Variants in DMPK observed in about 807,000 individuals in gnomAD.
The protein encoded by DMPK is DM1 protein kinase, also known as myotonin-protein kinase.
A neutral mutation model predicts 70.3 loss-of-function variants in DMPK; 32 were observed. The observed-to-expected ratio is 0.46, with a 90% CI of 0.34 to 0.61. DMPK has a LOEUF of 0.61. Among genes scored for constraint, DMPK ranks in the 20% least tolerant of loss-of-function variants. The probability of loss-of-function intolerance (pLI) is 0.01; values close to 1 mark genes in which losing one functional copy is unlikely to be tolerated. For missense variants in DMPK, 899 were observed against 886.0 expected, an observed-to-expected ratio of 1.01 and a Z score of -0.19; for synonymous variants, 469 against 390.9, an observed-to-expected ratio of 1.20 and a Z score of -2.36.
At chr19:45,773,968 T>C (rs1969625678) in intron 9 of DMPK, among the ~76,000 whole-genome samples, 1 of 151,402 alleles carries the variant, frequency 6.6e-6, no homozygotes, top group Non-Finnish European at 1.5e-5. Flanking sequence ...TTTTTTTTTT[T>C]TTTTTGAGAT....
At chr19:45,771,134 G>A in intron 13 of DMPK, 74 bp from the exon 14 acceptor site, 2 of 1,293,450 alleles carry the variant, frequency 1.5e-6, no homozygotes, top group African/African-American at 1.5e-5. Context: ...AGACAGCGAG[G>A]GGAATCGAGG....
intron 4 of DMPK, 188 bp downstream of exon 4, chr19:45,779,076 G>A (rs1198675561): frequency 1.6e-6 from 1 of 635,838 alleles, no homozygotes; most frequent in Admixed American, 2.6e-5. Flanking sequence ...GGCAGTGAAG[G>A]ACACCATCCC....
Position 45,774,930 on chromosome 19 carries a change from C to T in DMPK, c.1232+19G>A, listed in dbSNP as rs542573366. Reference sequence around the variant, plus strand: ...AAGCAGCCTCGTGGCCCCTGGAGGCCGTCCAGGGCAGTGCTTACCTGAGGG... The same window carrying T: ...AAGCAGCCTCGTGGCCCCTGGAGGCTGTCCAGGGCAGTGCTTACCTGAGGG... On this transcript the variant is annotated intron_variant, in intron 9 of 14. Transcript: ENST00000291270. 9.3e-6 allele frequency: 15 copies of T among 1,608,614 alleles called. No homozygotes were observed. Among genetic ancestry groups the T allele is most frequent in the African/African-American group, 1.3e-5 (1 of 74,764 alleles).
At chr19:45,782,146 GCCCCACCCCCA>G in intron 1 of DMPK, 36 bp downstream of exon 1, 5 of 895,758 alleles carry the variant, frequency 5.6e-6, no homozygotes, top group Non-Finnish European at 7.4e-6. Flanking sequence ...CCTGTCTCCT[GCCCCACCCCCA>G]CCCCATCTGC....
chr19:45,770,285 C>A lies in DMPK; in HGVS notation c.*203G>T. On this transcript the variant is annotated 3_prime_UTR_variant, in exon 15 of 15. Transcript: ENST00000291270. ...AGCAGCATTCCCGGCTACAAGGACC[C>A]TTCGAGCCCCGTTCGCCGGCCGCGG... 1 of 770,224 alleles carries A rather than the reference C, an allele frequency of 1.3e-6. No homozygotes were observed. The highest frequency in any genetic ancestry group is 3.1e-5 in the East Asian group (1 of 32,588). 47.7% of individuals were successfully genotyped at this position (770,224 alleles called of 1,614,324 possible).
Position 45,779,758 on chromosome 19 carries a change from T to G in DMPK, c.252+20A>C. The G allele has an allele frequency of 6.5e-7, 1 of 1,543,074 alleles. No individual in the cohort carries two copies. The highest frequency in any genetic ancestry group is 1.3e-5 in the South Asian group (1 of 79,938). On this transcript the variant is annotated intron_variant, in intron 2 of 14. Coordinates refer to ENST00000291270, the MANE Select transcript of DMPK (RefSeq NM_004409.5). ...CCGCCCACCACGAGTCAAGTCAGGC[T>G]CCCGCCCGGTTCGGCTTACCTCGCT...
chr19:45,777,120 CCTTA>C lies in DMPK; in HGVS notation c.1146+203_1146+206del. 2 of 682,826 alleles carry C rather than the reference CCTTA, an allele frequency of 2.9e-6. No individual in the cohort carries two copies. Among genetic ancestry groups the C allele is most frequent in the Non-Finnish European group, 4.6e-6 (2 of 430,290 alleles). The allele number at this position is 682,826 out of a possible 1,614,324, so 42.3% of individuals were successfully genotyped here. A position where few individuals can be genotyped will look rare whatever the true frequency, so the allele number is the denominator to read the frequency against. The stretch of plus-strand genomic sequence containing the variant: ...TGTCTCAGCCCTGATCACTCTGGGG[CCTTA>C]CTGTCTGAAGACTGCTCTGTGTTCC... On this transcript the variant is annotated intron_variant, in intron 8 of 14. Transcript: ENST00000291270. This position sits in a 1 kb window ranked among gnomAD's most constrained non-coding sequence, Gnocchi z 6.7.
chr19:45,771,814 G>A lies in DMPK; in HGVS notation c.1459C>T (p.Arg487Trp), dbSNP rs745642787. Residue 487 changes from arginine (R) to tryptophan (W), a missense_variant, in exon 11 of 15, where the codon CGG becomes TGG. Arg to Trp is a moderately radical substitution (Grantham distance 101). Coordinates refer to ENST00000291270, the MANE Select transcript of DMPK (RefSeq NM_004409.5). The stretch of plus-strand genomic sequence containing the variant: ...TCCGTGCGGATGGCCTCCATCTCCC[G>A]GCTCAGGCTCTGCCGGGTGAGCACC... The part of the protein sequence containing the change: ...EEVLTRQSLS[R>W]EMEAIRTDNQ... The A allele has an allele frequency of 2.5e-6, 4 of 1,569,434 alleles. No individual in the cohort carries two copies. Among genetic ancestry groups the A allele is most frequent in the Non-Finnish European group, 2.6e-6 (3 of 1,157,276 alleles).
intron 9 of DMPK, among the ~76,000 whole-genome samples, chr19:45,773,934 T>C (rs1969621010): frequency 6.7e-6 from 1 of 149,730 alleles, no homozygotes; most frequent in African/African-American, 2.5e-5. Flanking sequence ...TGAGCCACCA[T>C]GCCCAGCCTG....
chr19:45,770,195 G>A lies in DMPK; in HGVS notation c.*293C>T. ...CCTGGCCGAAAGAAAGAAATGGTCT[G>A]TGATCCCCCCAGCAGCAGCAGCAGC... On this transcript the variant is annotated 3_prime_UTR_variant, in exon 15 of 15. Transcript: ENST00000291270. The A allele has an allele frequency of 1.4e-6, 1 of 696,996 alleles. No homozygotes were observed. Among genetic ancestry groups the A allele is most frequent in the Non-Finnish European group, 2.3e-6 (1 of 431,878 alleles). The allele number at this position is 696,996 out of a possible 1,614,324, so 43.2% of individuals were successfully genotyped here.
Position 45,770,441 on chromosome 19 carries a change from C to T in DMPK, c.*47G>A, listed in dbSNP as rs1420719254. ...CGCGGCTTCTGTGCCGTGCCCCGGG[C>T]ACTCAGTCTTCCAACGGGGCCCCGG... is the stretch of plus-strand genomic sequence containing the variant. On this transcript the variant is annotated 3_prime_UTR_variant, in exon 15 of 15. Coordinates refer to ENST00000291270, the MANE Select transcript of DMPK (RefSeq NM_004409.5). 2 of 1,546,210 alleles carry T rather than the reference C, an allele frequency of 1.3e-6. No homozygotes were observed. The highest frequency in any genetic ancestry group is 2.4e-5 in the East Asian group (1 of 40,898).
At position 45,770,468 on chromosome 19, in the gene DMPK, G is replaced by A. The variant is rs560529971; in HGVS notation, c.*20C>T. Reference sequence around the variant, plus strand: ...CTCAGTCTTCCAACGGGGCCCCGGAGTCGAAGACAGTTCTAGGGTTCAGGG... The same window carrying A: ...CTCAGTCTTCCAACGGGGCCCCGGAATCGAAGACAGTTCTAGGGTTCAGGG... On this transcript the variant is annotated 3_prime_UTR_variant, in exon 15 of 15. Coordinates refer to ENST00000291270, the MANE Select transcript of DMPK (RefSeq NM_004409.5). 17 of 1,549,672 alleles carry A rather than the reference G, an allele frequency of 1.1e-5. No individual in the cohort carries two copies. The Middle Eastern group carries it at 5.5e-4, about 50-fold the overall frequency.
In DMPK at chr19:45,770,539, G is replaced by A; in HGVS notation, c.1839C>T (p.Ala613=). ...ALGCIGLVAH[A]GQLTAVWRRP... is the part of the protein sequence containing the mutation. ...GGCGCCAGACTGCGGTGAGTTGGCC[G>A]GCGTGGGCCACCAACCCAATGCAGC... The change falls in exon 15 of 15, where the codon GCC becomes GCT. Residue 613 remains alanine, a synonymous_variant. Coordinates refer to ENST00000291270, the MANE Select transcript of DMPK (RefSeq NM_004409.5). 6.4e-7 allele frequency: 1 copy of A among 1,550,796 alleles called. No individual in the cohort carries two copies. The highest frequency in any genetic ancestry group is 8.7e-7 in the Non-Finnish European group (1 of 1,146,902).
rs1969771530 is a variant in DMPK at position 45,776,304 on chromosome 19, T to C, written c.1146+1023A>G. Among the ~76,000 whole-genome samples, 2 of 106,080 alleles carry C rather than the reference T, an allele frequency of 1.9e-5. 1 individual carries two copies. Among genetic ancestry groups the C allele is most frequent in the African/African-American group, 6.4e-5 (2 of 31,016 alleles). The allele number at this position is 106,080 out of a possible 152,430, so 69.6% of individuals were successfully genotyped here. A position where few individuals can be genotyped will look rare whatever the true frequency, so the allele number is the denominator to read the frequency against. ...GACTACAGGCGCCCGCCACCACGCC[T>C]GGCTAATTTTTTGTATTTTTAGGAG... is the stretch of plus-strand genomic sequence containing the variant. On this transcript the variant is annotated intron_variant, in intron 8 of 14. Coordinates refer to ENST00000291270, the MANE Select transcript of DMPK (RefSeq NM_004409.5).
At position 45,777,945 on chromosome 19, in the gene DMPK, A is replaced by C; in HGVS notation, c.676-72T>G. The C allele has an allele frequency of 2.8e-6, 4 of 1,429,444 alleles. No homozygotes were observed. The highest frequency in any genetic ancestry group is 2.9e-6 in the Non-Finnish European group (3 of 1,045,052). The allele number at this position is 1,429,444 out of a possible 1,614,324, so 88.5% of individuals were successfully genotyped here. A position where few individuals can be genotyped will look rare whatever the true frequency, so the allele number is the denominator to read the frequency against. On this transcript the variant is annotated intron_variant, in intron 6 of 14. Coordinates refer to ENST00000291270, the MANE Select transcript of DMPK (RefSeq NM_004409.5). The surrounding 1 kb of genome is among the most constrained non-coding windows in gnomAD (Gnocchi z 6.7). ...CCACCAGCTCTGGGCCCTCCTTCCA[A>C]CCACTCCCCAAATGCTTAGCCCCTC...
chr19:45,770,992 GC>G lies in DMPK; in HGVS notation c.1715del (p.Arg572ProfsTer61). 1 of 1,437,488 alleles carries G rather than the reference GC, an allele frequency of 7.0e-7. No homozygotes were observed. 89.0% of individuals were successfully genotyped at this position (1,437,488 alleles called of 1,614,324 possible). A position where few individuals can be genotyped will look rare whatever the true frequency, so the allele number is the denominator to read the frequency against. ...PLVGPGPMHR[R>X]HLLLPARVPR... Reference sequence around the variant, plus strand: ...GTACCCTGGCAGGGAGCAGCAGGTGGCGGCGGTGCATGGGGCCTGGCCCCAC... The same window carrying G: ...GTACCCTGGCAGGGAGCAGCAGGTGGGGCGGTGCATGGGGCCTGGCCCCAC... On this transcript the variant is annotated frameshift_variant, in exon 14 of 15. Transcript: ENST00000291270. LOFTEE classifies it high-confidence loss of function.
chr19:45,774,941 G>A lies in DMPK; in HGVS notation c.1232+8C>T. 1 of 1,613,020 alleles carries A rather than the reference G, an allele frequency of 6.2e-7. No individual in the cohort carries two copies. ...TGGCCCCTGGAGGCCGTCCAGGGCA[G>A]TGCTTACCTGAGGGCCATGCAGGAG... On this transcript the variant is annotated splice_region_variant and intron_variant, in intron 9 of 14. Transcript: ENST00000291270.
intron 10 of DMPK, chr19:45,772,259 G>A (rs935249883): frequency 6.5e-5 from 25 of 387,538 alleles, no homozygotes; most frequent in Non-Finnish European, 1.0e-4. Flanking sequence ...GTTTCCTGCT[G>A]GCCTCTCCAG....
intron 8 of DMPK, chr19:45,775,358 G>A (rs1447462773): frequency 1.2e-5 from 3 of 245,520 alleles, no homozygotes; most frequent in Non-Finnish European, 2.4e-5. Context: ...TGGTAGAGAC[G>A]GGGTTTCGCC....
Sources: gnomAD v4.1 joint callset for allele counts (sites outside exome capture counted in the v4.1 genomes callset) on GRCh38, gnomAD v4.1.1 for gene constraint, Gnocchi (gnomAD v3.1) non-coding constraint, MANE v1.5 for transcripts, NCBI Gene and HGNC (gene_info 2026-07-23, HGNC 2026-07-21) for gene names.